The following HTR3B variants were observed in gnomAD, a reference collection of about 807,000 sequenced individuals.
HTR3B encodes 5-hydroxytryptamine (serotonin) receptor 3B, ionotropic.
Under a neutral mutation model 42.8 loss-of-function variants are expected in HTR3B, and 44 were observed. The observed-to-expected ratio is 1.03, with a 90% CI of 0.81 to 1.32. The LOEUF (loss-of-function observed/expected upper bound fraction) is 1.32, where lower values mean the gene tolerates loss of function less well. Among genes scored for constraint, HTR3B ranks in the 40% most tolerant of loss-of-function variants. The probability of loss-of-function intolerance (pLI) is 0.00; values close to 1 mark genes in which losing one functional copy is unlikely to be tolerated. For synonymous variants in HTR3B, 203 were observed against 209.0 expected (o/e 0.97, Z 0.25); for missense variants, 527 against 536.5 (o/e 0.98, Z 0.17).
chr11:113,930,375 C>T (rs995892866), intron 2 of HTR3B, among the ~76,000 whole-genome samples: 16 of 151,336 alleles, frequency 1.1e-4, no homozygotes, highest in Non-Finnish European at 1.6e-4. Flanking sequence ...TGTTTATATA[C>T]GGTGTGAGAT....
intron 6 of HTR3B, 144 bp downstream of exon 6, chr11:113,933,237 C>G (rs1388865160): frequency 1.9e-5 from 14 of 747,640 alleles, no homozygotes; most frequent in Non-Finnish European, 2.9e-5. Context: ...TGAGCATCCA[C>G]CTGCATTCCA....
the HTR3B span, among the ~76,000 whole-genome samples, chr11:113,898,934 T>C: frequency 3.9e-5 from 6 of 152,060 alleles, no homozygotes; most frequent in Non-Finnish European, 8.8e-5. Context: ...GCCCATAAAT[T>C]TGTGGTAATT....
Position 113,944,602 on chromosome 11 carries a change from T to C in HTR3B, c.937T>C (p.Leu313=). The change falls in exon 8 of 9, where the codon TTG becomes CTG. Residue 313 remains leucine, a synonymous_variant. Transcript: ENST00000260191. ...GHFFTICMAF[L]VLSLAKSIVL... is the part of the protein sequence containing the mutation. Reference sequence around the variant, plus strand: ...CTTCTTCACCATCTGCATGGCCTTCTTGGTTCTCAGCTTAGCTAAGTCCAT... The same window carrying C: ...CTTCTTCACCATCTGCATGGCCTTCCTGGTTCTCAGCTTAGCTAAGTCCAT... 1 of 1,614,202 alleles carries C rather than the reference T, an allele frequency of 6.2e-7. No individual in the cohort carries two copies. Among genetic ancestry groups the C allele is most frequent in the Non-Finnish European group, 8.5e-7 (1 of 1,180,020 alleles).
In HTR3B at chr11:113,922,969, A is replaced by G. The variant is rs144996304; in HGVS notation, c.214-8415A>G. ...TACTCATATTCATATTTTCCATAAC[A>G]TGCAGCACTATGTATTTGATTTCCA... On this transcript the variant is annotated intron_variant, in intron 2 of 8. Transcript: ENST00000260191. Among the ~76,000 whole-genome samples the G allele has an allele frequency of 2.0e-5, 3 of 152,356 alleles. No individual in the cohort carries two copies. In the East Asian group the frequency reaches 5.8e-4, roughly 29 times the overall value.
intron 1 of HTR3B, 143 bp downstream of exon 1, chr11:113,905,128 A>G (rs1949725739): frequency 3.2e-6 from 2 of 617,840 alleles, no homozygotes; most frequent in Admixed American, 6.0e-5. Context: ...CTGTGAAGCT[A>G]TATGGAAAAC....
intron 8 of HTR3B, among the ~76,000 whole-genome samples, chr11:113,945,390 C>G (rs1950168869): frequency 6.6e-6 from 1 of 152,220 alleles, no homozygotes; most frequent in Non-Finnish European, 1.5e-5. Context: ...CCACCTCGGC[C>G]TCCCAGAGTG....
intron 1 of HTR3B, among the ~76,000 whole-genome samples, chr11:113,906,686 C>T (rs1031526223): frequency 2.6e-5 from 4 of 152,084 alleles, no homozygotes; most frequent in African/African-American, 9.7e-5. Context: ...GCTTGGACTT[C>T]GAATCCAGAC....
At chr11:113,916,873 T>A (rs1949858660) in intron 2 of HTR3B, among the ~76,000 whole-genome samples, 1 of 152,194 alleles carries the variant, frequency 6.6e-6, no homozygotes, top group South Asian at 2.1e-4. Context: ...TAGATATTGG[T>A]CTGGGATTCT....
chr11:113,942,269 C>G (rs951516749), intron 6 of HTR3B, among the ~76,000 whole-genome samples: 1 of 151,988 alleles, frequency 6.6e-6, no homozygotes, highest in Admixed American at 6.6e-5. Context: ...GAGCGAGACT[C>G]CGTCTCAAAA....
At chr11:113,940,626 A>C (rs527868133) in intron 6 of HTR3B, among the ~76,000 whole-genome samples, 1 of 152,320 alleles carries the variant, frequency 6.6e-6, no homozygotes, top group South Asian at 2.1e-4. Flanking sequence ...ATTATGGTTT[A>C]ATGTGAATGA....
chr11:113,929,755 C>T (rs565570242), intron 2 of HTR3B, among the ~76,000 whole-genome samples: 448 of 152,158 alleles, frequency 2.9e-3, no homozygotes, highest in African/African-American at 0.01. Flanking sequence ...TTTTTAGAGA[C>T]GGAGTCTCAC....
chr11:113,933,130 T>G (rs367548524), intron 6 of HTR3B, 37 bp downstream of exon 6: 196 of 1,594,938 alleles, frequency 1.2e-4, no homozygotes, highest in Non-Finnish European at 1.6e-4. Flanking sequence ...TGCCCGCTTC[T>G]CCCCAGCCTT....
intron 6 of HTR3B, among the ~76,000 whole-genome samples, chr11:113,936,437 T>C (rs1375008911): frequency 6.6e-6 from 1 of 152,156 alleles, no homozygotes; most frequent in Non-Finnish European, 1.5e-5. Flanking sequence ...CTTTTTCTGT[T>C]ATAATTTTTT....
chr11:113,932,369 A>T lies in HTR3B; in HGVS notation c.449A>T (p.Gln150Leu), dbSNP rs768660330. 1 of 1,613,838 alleles carries T rather than the reference A, an allele frequency of 6.2e-7. No homozygotes were observed. Among genetic ancestry groups the T allele is most frequent in the South Asian group, 1.1e-5 (1 of 91,076 alleles). ...SGTIENYKPI[Q>L]VVSACSLETY... is the part of the protein sequence containing the mutation. ...ACCATTGAGAACTATAAGCCCATCC[A>T]GGTGGTCTCTGCGTGCAGTTTAGAG... The change falls in exon 5 of 9, where the codon CAG (glutamine) becomes CTG (leucine). Residue 150 changes from glutamine to leucine, a missense_variant. Gln to Leu is a moderately radical substitution (Grantham distance 113, BLOSUM62 -2). Transcript: ENST00000260191.
chr11:113,922,042 T>C (rs1432855166), intron 2 of HTR3B, among the ~76,000 whole-genome samples: 1 of 152,178 alleles, frequency 6.6e-6, no homozygotes, highest in Non-Finnish European at 1.5e-5. Context: ...GTTTCCTGCC[T>C]GTAAGTCATT....
chr11:113,933,106 C>A lies in HTR3B; in HGVS notation c.696+13C>A. 4 of 1,607,230 alleles carry A rather than the reference C, an allele frequency of 2.5e-6. No homozygotes were observed. The highest frequency in any genetic ancestry group is 3.4e-6 in the Non-Finnish European group (4 of 1,175,422). ...GATTCAGTTTAATGTAGGTTCTTTA[C>A]TACCTGTCCCCGTTGCCCGCTTCTC... On this transcript the variant is annotated intron_variant, in intron 6 of 8. Coordinates refer to ENST00000260191, the MANE Select transcript of HTR3B (RefSeq NM_006028.5).
chr11:113,914,331 G>GTACA (rs1353467784), intron 2 of HTR3B, among the ~76,000 whole-genome samples: 2 of 151,278 alleles, frequency 1.3e-5, no homozygotes, highest in African/African-American at 4.8e-5. Context: ...AGGTGTGGTG[G>GTACA]TACATGCCTG....
intron 2 of HTR3B, among the ~76,000 whole-genome samples, chr11:113,915,213 T>C (rs931112991): frequency 6.6e-6 from 1 of 152,212 alleles, no homozygotes; most frequent in Non-Finnish European, 1.5e-5. Context: ...TTTTGTTTTG[T>C]TTTGCTTTGA....
rs917306045 is a variant in HTR3B, at chr11:113,947,171, T to C, written c.*1034T>C. On this transcript the variant is annotated 3_prime_UTR_variant, in exon 9 of 9. Coordinates refer to ENST00000260191, the MANE Select transcript of HTR3B (RefSeq NM_006028.5). ...CAGATTGGAGTGCAGTGGTGCAATCTTGGCTCACTGTAACCTCCACCTCCC... is the reference window on the plus strand; with the variant it reads ...CAGATTGGAGTGCAGTGGTGCAATCCTGGCTCACTGTAACCTCCACCTCCC... Among the ~76,000 whole-genome samples the C allele has an allele frequency of 2.0e-5, 3 of 151,794 alleles. No homozygotes were observed. Among genetic ancestry groups the C allele is most frequent in the African/African-American group, 7.3e-5 (3 of 41,320 alleles).
Sources: gnomAD v4.1 joint callset for allele counts (sites outside exome capture counted in the v4.1 genomes callset) on GRCh38, gnomAD v4.1.1 for gene constraint, MANE v1.5 for transcripts, NCBI Gene and HGNC (gene_info 2026-07-23, HGNC 2026-07-21) for gene names.